CASTOR2: variants seen among roughly 807,000 people sequenced by gnomAD.
CASTOR2 encodes the protein cytosolic arginine sensor for mTORC1 subunit 2, also known as GATS protein like 2.
In CASTOR2, 8 loss-of-function variants were observed where a neutral mutation model predicts 31.2. That is an observed-to-expected ratio of 0.26 (90% CI 0.15 to 0.46). CASTOR2 has a LOEUF of 0.46. Among genes scored for constraint, CASTOR2 ranks in the 20% least tolerant of loss-of-function variants. CASTOR2 has a pLI of 0.99. For synonymous variants in CASTOR2, 162 were observed against 158.7 expected, an observed-to-expected ratio of 1.02 and a Z score of -0.16; for missense variants, 216 against 382.1, an observed-to-expected ratio of 0.57 and a Z score of 3.62.
At chr7:75,021,853 C>G in intron 6 of CASTOR2, 21 bp from the exon 7 acceptor site, 1 of 1,551,638 alleles carries the variant, frequency 6.4e-7, no homozygotes, top group Non-Finnish European at 8.7e-7. Context: ...CTCGGGGATT[C>G]TTCTCTCGCT....
intron 2 of CASTOR2, among the ~76,000 whole-genome samples, chr7:75,015,351 C>T (rs1265596150): frequency 3.9e-5 from 6 of 152,176 alleles, no homozygotes; most frequent in Non-Finnish European, 8.8e-5. Context: ...CTCACTGCAG[C>T]CTTGAAATCT....
chr7:74,991,519 G>T (rs1804211379), intron 1 of CASTOR2, among the ~76,000 whole-genome samples: 1 of 152,102 alleles, frequency 6.6e-6, no homozygotes, highest in Non-Finnish European at 1.5e-5. Context: ...GCCCAGAACT[G>T]GGAGCTGGGG....
At chr7:75,020,808 T>C (rs1242368553) in intron 6 of CASTOR2, among the ~76,000 whole-genome samples, 2 of 151,088 alleles carry the variant, frequency 1.3e-5, no homozygotes, top group South Asian at 4.2e-4. Context: ...TTATTTTTAT[T>C]TTTGTTGAGA....
At chr7:75,009,824 G>A (rs1254164852) in intron 2 of CASTOR2, among the ~76,000 whole-genome samples, 1 of 151,262 alleles carries the variant, frequency 6.6e-6, no homozygotes, top group Non-Finnish European at 1.5e-5. Flanking sequence ...ACACACATGC[G>A]CTTCTCTGCC....
At chr7:75,002,024 A>G (rs1338723743) in intron 1 of CASTOR2, among the ~76,000 whole-genome samples, 12 of 152,188 alleles carry the variant, frequency 7.9e-5, no homozygotes, top group African/African-American at 2.7e-4. Context: ...GACAACCTCT[A>G]TGATGGGAGA....
chr7:74,978,043 A>G (rs1803864407), intron 1 of CASTOR2, among the ~76,000 whole-genome samples: 1 of 149,282 alleles, frequency 6.7e-6, no homozygotes, highest in African/African-American at 2.5e-5. Context: ...CACATTGAAC[A>G]TACTCCAACC....
intron 7 of CASTOR2, among the ~76,000 whole-genome samples, chr7:75,022,917 T>C (rs1311343492): frequency 6.6e-6 from 1 of 152,248 alleles, no homozygotes; most frequent in Non-Finnish European, 1.5e-5. Context: ...TGGCAATTTT[T>C]TAACATGTTT....
intron 6 of CASTOR2, 23 bp downstream of exon 6, chr7:75,020,172 C>A: frequency 6.5e-7 from 1 of 1,549,646 alleles, no homozygotes; most frequent in South Asian, 1.2e-5. Context: ...CTGGGGTGGA[C>A]GTTCAACCCA....
chr7:74,975,350 A>G lies in CASTOR2; in HGVS notation c.113+10252A>G, dbSNP rs868949414. On this transcript the variant is annotated intron_variant, in intron 1 of 8. Coordinates refer to ENST00000616305, the MANE Select transcript of CASTOR2 (RefSeq NM_001145064.3). ...GGTCTCAAACTCCTGACCTTAAGTG[A>G]TCCTCCCGTCTTGGTTTCCCAAAGT... is the stretch of plus-strand genomic sequence containing the variant. Among the ~76,000 whole-genome samples the G allele has an allele frequency of 4.5e-3, 668 of 149,536 alleles. 17 individuals carry two copies. Among genetic ancestry groups the G allele is most frequent in the Middle Eastern group, 0.014 (4 of 292 alleles).
rs1424586116 is a variant in CASTOR2 at position 74,981,504 on chromosome 7, C to T, written c.113+16406C>T. On this transcript the variant is annotated intron_variant, in intron 1 of 8. Coordinates refer to ENST00000616305, the MANE Select transcript of CASTOR2 (RefSeq NM_001145064.3). Reference sequence around the variant, plus strand: ...GCTGTCTGCTTCTATTCTAGCTCCCCGACTCCTGATCCCCTGACCCTGAGG... The same window carrying T: ...GCTGTCTGCTTCTATTCTAGCTCCCTGACTCCTGATCCCCTGACCCTGAGG... 2.7e-5 allele frequency among the ~76,000 whole-genome samples: 4 copies of T among 146,290 alleles called. 1 individual carries two copies. The highest frequency in any genetic ancestry group is 1.0e-4 in the African/African-American group (4 of 39,784).
intron 1 of CASTOR2, among the ~76,000 whole-genome samples, chr7:74,996,119 A>T (rs1804341072): frequency 1.3e-5 from 2 of 151,384 alleles, no homozygotes. Flanking sequence ...TGGGGGAGGG[A>T]GGGTTAAGCT....
chr7:75,007,078 C>G (rs1307381460), intron 1 of CASTOR2, among the ~76,000 whole-genome samples: 3 of 152,118 alleles, frequency 2.0e-5, no homozygotes, highest in African/African-American at 7.2e-5. Flanking sequence ...GATAAGTGGC[C>G]AGGGGTCAGT....
intron 2 of CASTOR2, among the ~76,000 whole-genome samples, chr7:75,009,148 G>C (rs1249096978): frequency 6.6e-6 from 1 of 151,036 alleles, no homozygotes; most frequent in Non-Finnish European, 1.5e-5. Flanking sequence ...AGTAGAGATG[G>C]AGATTCACCC....
rs1366854373 is a variant in CASTOR2, at chr7:75,030,166, G to A, written c.*5467G>A. Among the ~76,000 whole-genome samples, 6 of 152,248 alleles carry A rather than the reference G, an allele frequency of 3.9e-5. No homozygotes were observed. The highest frequency in any genetic ancestry group is 1.4e-4 in the African/African-American group (6 of 41,466). On this transcript the variant is annotated 3_prime_UTR_variant, in exon 9 of 9. Coordinates refer to ENST00000616305, the MANE Select transcript of CASTOR2 (RefSeq NM_001145064.3). ...CTATGGAAATTGGAAGTGCAGGGTG[G>A]CCTGTGTGCTAGGAGTGGGGGTGCA...
chr7:75,026,694 A>G lies in CASTOR2; in HGVS notation c.*1995A>G, dbSNP rs1805143970. The stretch of plus-strand genomic sequence containing the variant: ...TTTTTAAGTTAATTTGTTTTGCACA[A>G]AACTCCAGAACAAAACTCGTACATT... On this transcript the variant is annotated 3_prime_UTR_variant, in exon 9 of 9. Coordinates refer to ENST00000616305, the MANE Select transcript of CASTOR2 (RefSeq NM_001145064.3). Among the ~76,000 whole-genome samples, 1 of 152,116 alleles carries G rather than the reference A, an allele frequency of 6.6e-6. No homozygotes were observed. The highest frequency in any genetic ancestry group is 1.5e-5 in the Non-Finnish European group (1 of 68,028).
At position 75,024,844 on chromosome 7, in the gene CASTOR2, A is replaced by T. The variant is rs1460862588; in HGVS notation, c.*145A>T. 2 of 1,543,912 alleles carry T rather than the reference A, an allele frequency of 1.3e-6. No homozygotes were observed. Among genetic ancestry groups the T allele is most frequent in the African/African-American group, 2.7e-5 (2 of 72,958 alleles). On this transcript the variant is annotated 3_prime_UTR_variant, in exon 9 of 9. Transcript: ENST00000616305. The stretch of plus-strand genomic sequence containing the variant: ...CTGTGGGAGACTCCCTCGATTGCCA[A>T]TCCCTCCAGGGCAGGGGCCCACGCC...
In CASTOR2 at chr7:75,027,891, C is replaced by T; in HGVS notation, c.*3192C>T. On this transcript the variant is annotated 3_prime_UTR_variant, in exon 9 of 9. Coordinates refer to ENST00000616305, the MANE Select transcript of CASTOR2 (RefSeq NM_001145064.3). ...GGCAGGGGCCGTCTGCCCTTGTCCC[C>T]CAGCTATCTCCTGGTCTGCTGGGTG... The T allele has an allele frequency of 1.0e-6, 1 of 957,612 alleles. No individual in the cohort carries two copies. Among genetic ancestry groups the T allele is most frequent in the Non-Finnish European group, 1.6e-6 (1 of 623,028 alleles). 59.3% of individuals were successfully genotyped at this position (957,612 alleles called of 1,614,324 possible).
intron 1 of CASTOR2, among the ~76,000 whole-genome samples, chr7:74,999,584 A>ACTTCTATC (rs2131938546): frequency 8.3e-6 from 1 of 121,070 alleles, no homozygotes; most frequent in Admixed American, 9.3e-5. Context: ...GCCCCGAAAC[A>ACTTCTATC]CTTCTATCAC....
At chr7:75,018,726 G>C (rs1460283201) in intron 4 of CASTOR2, among the ~76,000 whole-genome samples, 1 of 152,262 alleles carries the variant, frequency 6.6e-6, no homozygotes, top group Admixed American at 6.5e-5. Context: ...AACGGAGCCA[G>C]GTGGTGCCGG....
Sources: allele counts gnomAD v4.1 joint callset (sites outside exome capture counted in the v4.1 genomes callset), GRCh38; gene constraint gnomAD v4.1.1; transcripts MANE v1.5; gene names NCBI Gene and HGNC (gene_info 2026-07-23, HGNC 2026-07-21).